MYO1B: variants seen among roughly 807,000 people sequenced by gnomAD.
MYO1B encodes unconventional myosin-Ib.
In MYO1B, 72 loss-of-function variants were observed where a neutral mutation model predicts 159.7. The ratio of observed to expected loss-of-function variants is 0.45; its 90% confidence interval spans 0.37 to 0.55. The LOEUF is 0.55. MYO1B is among the 20% of genes least tolerant of loss of function. The probability of loss-of-function intolerance (pLI) is 0.00; values close to 1 mark genes in which losing one functional copy is unlikely to be tolerated. For synonymous variants in MYO1B, 468 were observed against 473.8 expected (o/e 0.99, Z 0.16); for missense variants, 1,062 against 1,364.8 (o/e 0.78, Z 3.50).
intron 27 of MYO1B, among the ~76,000 whole-genome samples, chr2:191,411,906 CA>C (rs1292939195): frequency 1.3e-5 from 2 of 152,140 alleles, no homozygotes; most frequent in Non-Finnish European, 2.9e-5. Flanking sequence ...AATTTCAAGC[CA>C]AATCTGTAAC....
At chr2:191,321,977 C>G (rs1364163851) in intron 3 of MYO1B, among the ~76,000 whole-genome samples, 1 of 152,168 alleles carries the variant, frequency 6.6e-6, no homozygotes, top group East Asian at 1.9e-4. Flanking sequence ...ACCCCTGCTT[C>G]CACATACTCT....
intron 5 of MYO1B, among the ~76,000 whole-genome samples, chr2:191,344,568 C>G (rs1057305202): frequency 1.9e-4 from 29 of 152,090 alleles, no homozygotes; most frequent in Middle Eastern, 3.2e-3. Flanking sequence ...TGGTGGCTCA[C>G]GCCTGTAATC....
chr2:191,371,583 G>A (rs754226814), intron 13 of MYO1B, among the ~76,000 whole-genome samples: 11 of 152,208 alleles, frequency 7.2e-5, no homozygotes, highest in Admixed American at 1.3e-4. Context: ...GCTACTTAGC[G>A]GCAGACTCAG....
intron 2 of MYO1B, among the ~76,000 whole-genome samples, chr2:191,295,212 G>A (rs2125809206): frequency 6.6e-6 from 1 of 152,208 alleles, no homozygotes; most frequent in Admixed American, 6.5e-5. Flanking sequence ...AGGGGAAAAT[G>A]GAGCTGCCAA....
chr2:191,248,793 A>G (rs781232728), intron 1 of MYO1B, among the ~76,000 whole-genome samples: 1 of 152,174 alleles, frequency 6.6e-6, no homozygotes, highest in Non-Finnish European at 1.5e-5. Flanking sequence ...TATATACTGT[A>G]TGGTATGATG....
chr2:191,362,389 C>T lies in MYO1B; in HGVS notation c.765+18C>T, dbSNP rs1693727027. The T allele has an allele frequency of 1.3e-6, 2 of 1,595,762 alleles. No homozygotes were observed. The highest frequency in any genetic ancestry group is 1.7e-6 in the Non-Finnish European group (2 of 1,164,676). On this transcript the variant is annotated intron_variant, in intron 9 of 30. Transcript: ENST00000392318. ...CCGTGCGGGTAAGATGTAGTACTTT[C>T]ATCAAGCTTTAAATTGCATACCACT...
chr2:191,270,018 T>C (rs955941390), intron 1 of MYO1B, among the ~76,000 whole-genome samples: 25 of 152,178 alleles, frequency 1.6e-4, no homozygotes, highest in African/African-American at 5.3e-4. Flanking sequence ...AGGCTGTCGA[T>C]AATATGGGTT....
At chr2:191,423,507 A>G (rs2126205451) in intron 30 of MYO1B, among the ~76,000 whole-genome samples, 1 of 152,288 alleles carries the variant, frequency 6.6e-6, no homozygotes, top group Non-Finnish European at 1.5e-5. Context: ...GACGTCACTA[A>G]GCCATAGGAA....
At chr2:191,307,428 C>G (rs532421212) in intron 3 of MYO1B, among the ~76,000 whole-genome samples, 1 of 152,192 alleles carries the variant, frequency 6.6e-6, no homozygotes, top group Non-Finnish European at 1.5e-5. Context: ...TTTACCGCAA[C>G]CTGTTTTATC....
At chr2:191,384,127 T>C (rs1345644201) in intron 15 of MYO1B, among the ~76,000 whole-genome samples, 1 of 152,172 alleles carries the variant, frequency 6.6e-6, no homozygotes, top group Non-Finnish European at 1.5e-5. Flanking sequence ...GCTTTCTGAG[T>C]CCAAGATTTT....
At chr2:191,263,989 A>G (rs1218501608) in intron 1 of MYO1B, among the ~76,000 whole-genome samples, 3 of 152,188 alleles carry the variant, frequency 2.0e-5, no homozygotes, top group Non-Finnish European at 1.5e-5. Context: ...TGTTCTTCAT[A>G]AATACTTCAG....
Position 191,397,817 on chromosome 2 carries a change from G to T in MYO1B, c.2295+1320G>T, listed in dbSNP as rs575291134. Among the ~76,000 whole-genome samples the T allele has an allele frequency of 7.1e-4, 103 of 145,524 alleles. 2 individuals carry two copies. Among genetic ancestry groups the T allele is most frequent in the Non-Finnish European group, 1.4e-3 (90 of 65,512 alleles). On this transcript the variant is annotated intron_variant, in intron 21 of 30. Transcript: ENST00000392318. ...CCCGGATGGGGCGTCTGGCCGGGCG[G>T]GGGGCTGACCACCCCACCACCCTCC...
chr2:191,277,121 T>TTC (rs1426646249), intron 2 of MYO1B, 91 bp downstream of exon 2: 19 of 1,475,048 alleles, frequency 1.3e-5, no homozygotes, highest in Non-Finnish European at 1.7e-5. Flanking sequence ...TCTTTCTTTT[T>TTC]TCTCTCTGTT....
intron 4 of MYO1B, among the ~76,000 whole-genome samples, chr2:191,333,848 A>G (rs1691649385): frequency 6.6e-6 from 1 of 152,208 alleles, no homozygotes; most frequent in Non-Finnish European, 1.5e-5. Context: ...TCTTAGAAGC[A>G]GTACAGCTTC....
At chr2:191,397,114 AAAG>A (rs1475689621) in intron 21 of MYO1B, among the ~76,000 whole-genome samples, 2 of 143,684 alleles carry the variant, frequency 1.4e-5, no homozygotes, top group Non-Finnish European at 3.0e-5. Context: ...TAAAAAAGCA[AAAG>A]AAGATGATTT....
At chr2:191,284,960 A>T (rs1003958639) in intron 2 of MYO1B, among the ~76,000 whole-genome samples, 5 of 152,008 alleles carry the variant, frequency 3.3e-5, no homozygotes, top group Non-Finnish European at 7.4e-5. Context: ...CATTAGTTAG[A>T]TTCTTTCTCT....
intron 4 of MYO1B, among the ~76,000 whole-genome samples, chr2:191,336,064 G>C (rs1054510106): frequency 1.3e-5 from 2 of 152,158 alleles, no homozygotes; most frequent in Non-Finnish European, 1.5e-5. Context: ...GATGGGGGCA[G>C]GGGGGCAGAA....
At chr2:191,370,390 G>A in intron 13 of MYO1B, 98 bp downstream of exon 13, 1 of 808,518 alleles carries the variant, frequency 1.2e-6, no homozygotes, top group South Asian at 1.6e-5. Context: ...CTGTAACTTT[G>A]AATCTACAAA....
intron 20 of MYO1B, 78 bp downstream of exon 20, chr2:191,393,300 G>T: frequency 6.9e-7 from 1 of 1,456,700 alleles, no homozygotes. Context: ...CCATGTATGT[G>T]ATTTTTACAT....
Sources: gnomAD v4.1 joint callset for allele counts (sites outside exome capture counted in the v4.1 genomes callset) on GRCh38, gnomAD v4.1.1 for gene constraint, MANE v1.5 for transcripts, NCBI Gene and HGNC (gene_info 2026-07-23, HGNC 2026-07-21) for gene names.